The following NRXN1 variants were observed in gnomAD, a reference collection of about 807,000 sequenced individuals.
NRXN1 encodes neurexin 1, also known as neurexin-1.
Under a neutral mutation model 150.9 loss-of-function variants are expected in NRXN1, and 39 were observed. The ratio of observed to expected loss-of-function variants is 0.26; its 90% CI spans 0.20 to 0.34. The LOEUF (loss-of-function observed/expected upper bound fraction) is 0.34, where lower values mean the gene tolerates loss of function less well. NRXN1 is among the 10% of genes least tolerant of loss of function. The probability of loss-of-function intolerance (pLI) is 1.00; values close to 1 mark genes in which losing one functional copy is unlikely to be tolerated. For missense variants in NRXN1, 1,815 were observed against 1,949.9 expected (o/e 0.93, Z 1.30); for synonymous variants, 924 against 757.0 (o/e 1.22, Z -3.62).
intron 18 of NRXN1, among the ~76,000 whole-genome samples, chr2:50,167,514 G>C (rs1322060286): frequency 6.6e-6 from 1 of 151,026 alleles, no homozygotes; most frequent in Non-Finnish European, 1.5e-5. Flanking sequence ...ATAAGCTCCA[G>C]TGAGAATTTA....
chr2:50,715,683 C>G (rs1265479700), intron 5 of NRXN1, among the ~76,000 whole-genome samples: 1 of 152,090 alleles, frequency 6.6e-6, no homozygotes, highest in African/African-American at 2.4e-5. Context: ...TGCCTTTTTG[C>G]TTAGTTTGCA....
chr2:50,934,953 C>T (rs181906481), intron 2 of NRXN1, among the ~76,000 whole-genome samples: 3 of 152,152 alleles, frequency 2.0e-5, no homozygotes, highest in African/African-American at 7.2e-5. Flanking sequence ...GATGAGAAAA[C>T]GCTGAACCTA....
At chr2:50,023,070 T>C (rs1304086554) in intron 21 of NRXN1, 1 of 152,180 alleles carries the variant, frequency 6.6e-6, no homozygotes, top group East Asian at 1.9e-4. Context: ...GCACTGAAGA[T>C]AGTGATTTGC....
At chr2:50,329,057 C>T (rs2076574325) in intron 17 of NRXN1, among the ~76,000 whole-genome samples, 1 of 151,984 alleles carries the variant, frequency 6.6e-6, no homozygotes, top group Admixed American at 6.6e-5. Context: ...GAGAAAAATA[C>T]CAATAGATTG....
intron 21 of NRXN1, among the ~76,000 whole-genome samples, chr2:50,002,921 G>A (rs971251255): frequency 1.4e-4 from 22 of 152,112 alleles, no homozygotes; most frequent in African/African-American, 5.1e-4. Flanking sequence ...ATACATGACA[G>A]TAATGTTACA....
chr2:50,674,354 G>C (rs1356570375), intron 5 of NRXN1, among the ~76,000 whole-genome samples: 1 of 152,116 alleles, frequency 6.6e-6, no homozygotes, highest in Non-Finnish European at 1.5e-5. Context: ...AACAGAAGTG[G>C]AGCACGGACA....
chr2:50,153,891 T>C (rs901998671), intron 18 of NRXN1, among the ~76,000 whole-genome samples: 1 of 151,728 alleles, frequency 6.6e-6, no homozygotes, highest in Non-Finnish European at 1.5e-5. Context: ...GTCTCTGGTA[T>C]TTGACACTTT....
intron 5 of NRXN1, among the ~76,000 whole-genome samples, chr2:50,846,827 G>T (rs780127947): frequency 3.3e-5 from 5 of 152,158 alleles, no homozygotes; most frequent in Non-Finnish European, 7.4e-5. Context: ...ATTAAAAAGA[G>T]AAAAGCATAT....
chr2:50,170,143 A>T (rs1382647465), intron 18 of NRXN1, among the ~76,000 whole-genome samples: 1 of 144,446 alleles, frequency 6.9e-6, no homozygotes, highest in Admixed American at 6.9e-5. Flanking sequence ...AGATAATATC[A>T]CACACACACA....
At chr2:50,969,486 A>T (rs1327709877) in intron 2 of NRXN1, among the ~76,000 whole-genome samples, 1 of 152,174 alleles carries the variant, frequency 6.6e-6, no homozygotes, top group African/African-American at 2.4e-5. Context: ...ATGGTAATTT[A>T]TCAGTGGCTT....
At chr2:50,138,182 T>C (rs1024852474) in intron 18 of NRXN1, among the ~76,000 whole-genome samples, 2 of 152,208 alleles carry the variant, frequency 1.3e-5, no homozygotes, top group African/African-American at 4.8e-5. Context: ...ACCCATATGA[T>C]CTTCTCAGAG....
At chr2:50,604,957 C>G (rs1449245145) in intron 8 of NRXN1, among the ~76,000 whole-genome samples, 1 of 152,158 alleles carries the variant, frequency 6.6e-6, no homozygotes, top group Non-Finnish European at 1.5e-5. Context: ...TTCCTCAATT[C>G]TCCCAAGGAG....
chr2:50,066,389 C>T (rs1695367452), intron 19 of NRXN1, among the ~76,000 whole-genome samples: 1 of 152,062 alleles, frequency 6.6e-6, no homozygotes, highest in Non-Finnish European at 1.5e-5. Flanking sequence ...CAATTAACCA[C>T]CATGTGAAGT....
At chr2:50,677,693 C>G (rs1689754775) in intron 5 of NRXN1, among the ~76,000 whole-genome samples, 1 of 151,978 alleles carries the variant, frequency 6.6e-6, no homozygotes, top group African/African-American at 2.4e-5. Flanking sequence ...GTGTTAAACC[C>G]TAGTATGTAG....
intron 21 of NRXN1, among the ~76,000 whole-genome samples, chr2:49,995,356 G>A (rs988558867): frequency 6.6e-6 from 1 of 152,166 alleles, no homozygotes; most frequent in Non-Finnish European, 1.5e-5. Context: ...TAGGGGTGTT[G>A]AAATTTTGTT....
At chr2:50,807,019 C>A (rs1437751141) in intron 5 of NRXN1, among the ~76,000 whole-genome samples, 1 of 151,994 alleles carries the variant, frequency 6.6e-6, no homozygotes, top group Non-Finnish European at 1.5e-5. Context: ...AAGAGGAATT[C>A]TGGGGGTAGC....
At chr2:50,958,714 A>G (rs994110402) in intron 2 of NRXN1, among the ~76,000 whole-genome samples, 1 of 152,046 alleles carries the variant, frequency 6.6e-6, no homozygotes, top group East Asian at 1.9e-4. Context: ...TGCCCTGGCT[A>G]GAATCTCCAA....
intron 18 of NRXN1, among the ~76,000 whole-genome samples, chr2:50,118,000 A>G (rs1558914884): frequency 6.6e-6 from 1 of 152,160 alleles, no homozygotes. Flanking sequence ...ATAAAGACCT[A>G]GGTTTTCTTC....
chr2:50,371,603 T>C (rs1268641184), intron 17 of NRXN1, among the ~76,000 whole-genome samples: 2 of 152,030 alleles, frequency 1.3e-5, no homozygotes, highest in Admixed American at 6.6e-5. Context: ...TCCTGGGATC[T>C]ACGAATAAGT....
Sources: allele counts gnomAD v4.1 joint callset (sites outside exome capture counted in the v4.1 genomes callset), GRCh38; gene constraint gnomAD v4.1.1; transcripts MANE v1.5; gene names NCBI Gene and HGNC (gene_info 2026-07-23, HGNC 2026-07-21).